The following LRRC4C variants were observed in gnomAD, a reference collection of about 807,000 sequenced individuals.
The protein encoded by LRRC4C is leucine-rich repeat-containing protein 4C.
Under a neutral mutation model 33.6 loss-of-function variants are expected in LRRC4C, and 5 were observed. The ratio of observed to expected loss-of-function variants is 0.15; its 90% CI spans 0.08 to 0.31. The LOEUF is 0.31. LRRC4C is among the 10% of genes least tolerant of loss of function. The probability of loss-of-function intolerance (pLI) is 1.00; values close to 1 mark genes in which losing one functional copy is unlikely to be tolerated. For missense variants in LRRC4C, 560 were observed against 796.7 expected, an observed-to-expected ratio of 0.70 and a Z score of 3.58; for synonymous variants, 329 against 302.0, an observed-to-expected ratio of 1.09 and a Z score of -0.93.
chr11:40,613,887 C>A lies in LRRC4C; in HGVS notation c.-270+34255G>T, dbSNP rs1242278401. On this transcript the variant is annotated intron_variant, in intron 3 of 6. Coordinates refer to ENST00000528697, the MANE Select transcript of LRRC4C (RefSeq NM_001258419.2). ...TGAATGGTGATTTTTTGAAATAAAT[C>A]TTTTTTTCTGATCAGTAGGTCTCAA... Among the ~76,000 whole-genome samples the A allele has an allele frequency of 4.6e-5, 7 of 151,860 alleles. No individual in the cohort carries two copies. In the East Asian group the frequency reaches 1.4e-3, roughly 29 times the overall value.
At chr11:40,406,168 C>T (rs903736675) in intron 3 of LRRC4C, among the ~76,000 whole-genome samples, 1 of 152,132 alleles carries the variant, frequency 6.6e-6, no homozygotes, top group Non-Finnish European at 1.5e-5. Context: ...AGAACATCCA[C>T]CAGACCTTTA....
At chr11:41,419,799 T>C (rs773987939) in intron 1 of LRRC4C, among the ~76,000 whole-genome samples, 25 of 151,946 alleles carry the variant, frequency 1.6e-4, no homozygotes, top group Non-Finnish European at 2.9e-4. Flanking sequence ...GTTTCAGAGC[T>C]GCTGCTTATT....
chr11:40,394,260 GC>G (rs949079214), intron 3 of LRRC4C, among the ~76,000 whole-genome samples: 14 of 152,120 alleles, frequency 9.2e-5, no homozygotes, highest in African/African-American at 3.4e-4. Context: ...CAGTATGCTA[GC>G]GAAAAAACAC....
Position 40,175,621 on chromosome 11 carries a change from A to G in LRRC4C, c.-95-34768T>C, listed in dbSNP as rs944060776. On this transcript the variant is annotated intron_variant, in intron 5 of 6. Coordinates refer to ENST00000528697, the MANE Select transcript of LRRC4C (RefSeq NM_001258419.2). ...TGGACACAAAGATTTTGAGCCTTTA[A>G]TGTAGCTTCAGACACACTATATGCA... Among the ~76,000 whole-genome samples, 6 of 152,280 alleles carry G rather than the reference A, an allele frequency of 3.9e-5. No homozygotes were observed. In the South Asian group the frequency reaches 1.0e-3, roughly 26 times the overall value.
chr11:40,784,723 A>G lies in LRRC4C; in HGVS notation c.-406-136445T>C, dbSNP rs188081769. On this transcript the variant is annotated intron_variant, in intron 2 of 6. Transcript: ENST00000528697. The stretch of plus-strand genomic sequence containing the variant: ...CATAGCACATGCTGCAGTCAATGGC[A>G]TGACTGTAACAGCAAATAATCCTTA... 7.1e-4 allele frequency among the ~76,000 whole-genome samples: 108 copies of G among 152,326 alleles called. 1 individual carries two copies. The highest frequency in any genetic ancestry group is 2.6e-3 in the African/African-American group (108 of 41,580).
At chr11:40,927,322 C>G (rs2136425427) in intron 2 of LRRC4C, among the ~76,000 whole-genome samples, 1 of 149,746 alleles carries the variant, frequency 6.7e-6, no homozygotes, top group Non-Finnish European at 1.5e-5. Flanking sequence ...TGCAATGAGC[C>G]AAGATCATGC....
chr11:40,154,435 C>T (rs1313723673), intron 5 of LRRC4C, among the ~76,000 whole-genome samples: 2 of 152,004 alleles, frequency 1.3e-5, no homozygotes, highest in African/African-American at 4.8e-5. Context: ...TGGATAAGAA[C>T]TCACCAACCA....
At chr11:41,279,205 G>T (rs1354682470) in intron 1 of LRRC4C, among the ~76,000 whole-genome samples, 1 of 152,034 alleles carries the variant, frequency 6.6e-6, no homozygotes, top group Non-Finnish European at 1.5e-5. Context: ...TATTCAGTCT[G>T]CCATTGATGG....
chr11:40,401,070 A>G (rs556995368), intron 3 of LRRC4C, among the ~76,000 whole-genome samples: 4 of 152,280 alleles, frequency 2.6e-5, no homozygotes, highest in South Asian at 2.1e-4. Context: ...GCATGAATTA[A>G]TAAGCTCCTG....
At chr11:40,925,378 C>A (rs953686431) in intron 2 of LRRC4C, among the ~76,000 whole-genome samples, 2 of 152,192 alleles carry the variant, frequency 1.3e-5, no homozygotes, top group African/African-American at 4.8e-5. Flanking sequence ...AGCACACTCT[C>A]TTTCTCCATT....
chr11:41,103,702 T>C (rs906592204), intron 1 of LRRC4C, among the ~76,000 whole-genome samples: 2 of 151,944 alleles, frequency 1.3e-5, no homozygotes, highest in African/African-American at 4.8e-5. Flanking sequence ...AGAGCAAAGT[T>C]GTAGGACTTA....
At chr11:40,723,184 G>A (rs1947114181) in intron 2 of LRRC4C, among the ~76,000 whole-genome samples, 1 of 152,120 alleles carries the variant, frequency 6.6e-6, no homozygotes, top group African/African-American at 2.4e-5. Context: ...AAGCATATTT[G>A]AGGATATAAT....
intron 4 of LRRC4C, among the ~76,000 whole-genome samples, chr11:40,290,813 T>C (rs1944142108): frequency 6.6e-6 from 1 of 151,374 alleles, no homozygotes; most frequent in Non-Finnish European, 1.5e-5. Flanking sequence ...AGAGAGAAAA[T>C]GAATGTTGGA....
chr11:41,244,463 A>G (rs2136580073), intron 1 of LRRC4C, among the ~76,000 whole-genome samples: 1 of 152,338 alleles, frequency 6.6e-6, no homozygotes, highest in Non-Finnish European at 1.5e-5. Flanking sequence ...TGAAACAAAG[A>G]GTACATTGGA....
chr11:40,523,083 T>C (rs975118981), intron 3 of LRRC4C, among the ~76,000 whole-genome samples: 1 of 152,180 alleles, frequency 6.6e-6, no homozygotes, highest in Non-Finnish European at 1.5e-5. Context: ...TTGGATTATA[T>C]GATAATGCTA....
intron 6 of LRRC4C, among the ~76,000 whole-genome samples, chr11:40,138,130 A>G (rs1487109757): frequency 1.3e-5 from 2 of 151,530 alleles, no homozygotes; most frequent in Non-Finnish European, 2.9e-5. Flanking sequence ...GTGTAGACAT[A>G]TCTTCTGCTA....
At chr11:40,841,635 G>A (rs929923143) in intron 2 of LRRC4C, among the ~76,000 whole-genome samples, 1 of 152,186 alleles carries the variant, frequency 6.6e-6, no homozygotes, top group African/African-American at 2.4e-5. Context: ...CTGTGATTAT[G>A]GACTTCCAGC....
intron 1 of LRRC4C, among the ~76,000 whole-genome samples, chr11:41,137,692 G>GA (rs1211645175): frequency 6.6e-6 from 1 of 151,992 alleles, no homozygotes; most frequent in Admixed American, 6.6e-5. Flanking sequence ...AACATGTGGA[G>GA]AAAAAAATAT....
intron 3 of LRRC4C, among the ~76,000 whole-genome samples, chr11:40,461,072 G>T (rs986901216): frequency 6.6e-6 from 1 of 152,100 alleles, no homozygotes; most frequent in Non-Finnish European, 1.5e-5. Context: ...AAACAGATGG[G>T]TATAGGTTTA....
Sources: allele counts gnomAD v4.1 joint callset (sites outside exome capture counted in the v4.1 genomes callset), GRCh38; gene constraint gnomAD v4.1.1; transcripts MANE v1.5; gene names NCBI Gene and HGNC (gene_info 2026-07-23, HGNC 2026-07-21).